The following ROCK2 variants were observed in gnomAD, a reference collection of about 807,000 sequenced individuals.
ROCK2 encodes the protein Rho associated coiled-coil containing protein kinase 2, also known as rho-associated protein kinase 2.
ROCK2 carries 61 observed loss-of-function variants against 195.1 expected under a neutral mutation model. The ratio of observed to expected loss-of-function variants is 0.31; its 90% CI spans 0.25 to 0.39. The LOEUF (loss-of-function observed/expected upper bound fraction) is 0.39, where lower values mean the gene tolerates loss of function less well. Ranked by LOEUF, ROCK2 falls within the 10% of genes least tolerant of loss-of-function variation. ROCK2 has a pLI of 1.00. For synonymous variants in ROCK2, 504 were observed against 545.5 expected, an observed-to-expected ratio of 0.92 and a Z score of 1.06; for missense variants, 1,109 against 1,637.4, an observed-to-expected ratio of 0.68 and a Z score of 5.57.
At chr2:11,253,002 G>C (rs1665892952) in intron 3 of ROCK2, among the ~76,000 whole-genome samples, 2 of 68,454 alleles carry the variant, frequency 2.9e-5, no homozygotes, top group Non-Finnish European at 7.0e-5. Flanking sequence ...GTAATCTGCA[G>C]GCAGAATCTA....
chr2:11,343,766 CG>C (rs1473061675), intron 1 of ROCK2, among the ~76,000 whole-genome samples: 2 of 152,136 alleles, frequency 1.3e-5, no homozygotes, highest in African/African-American at 4.8e-5. Context: ...AAGGAGCAGC[CG>C]GGGATGACAC....
At chr2:11,218,206 T>C (rs1472312012) in intron 11 of ROCK2, 3 of 338,252 alleles carry the variant, frequency 8.9e-6, no homozygotes. Context: ...CCAGTTATTA[T>C]ATGCTAATCA....
At chr2:11,216,009 A>T (rs1664413056) in intron 13 of ROCK2, 149 bp downstream of exon 13, 1 of 648,872 alleles carries the variant, frequency 1.5e-6, no homozygotes, top group African/African-American at 1.8e-5. Flanking sequence ...TTATAACATG[A>T]TTTCCCTATA....
intron 3 of ROCK2, among the ~76,000 whole-genome samples, chr2:11,266,697 T>C (rs1666427526): frequency 6.6e-6 from 1 of 152,230 alleles, no homozygotes; most frequent in African/African-American, 2.4e-5. Flanking sequence ...ATTTATTTAC[T>C]GTATACGAAT....
At chr2:11,255,362 G>C (rs891731914) in intron 3 of ROCK2, among the ~76,000 whole-genome samples, 3 of 149,868 alleles carry the variant, frequency 2.0e-5, no homozygotes, top group Non-Finnish European at 2.9e-5. Flanking sequence ...AGTATTCAAA[G>C]AAAAATAACA....
chr2:11,265,927 T>C (rs1271543189), intron 3 of ROCK2, among the ~76,000 whole-genome samples: 1 of 54,764 alleles, frequency 1.8e-5, no homozygotes, highest in Non-Finnish European at 3.1e-5. Flanking sequence ...GGACCTTGTT[T>C]CTACAAAAAA....
intron 3 of ROCK2, among the ~76,000 whole-genome samples, chr2:11,257,670 G>T (rs1342326025): frequency 1.3e-5 from 2 of 151,280 alleles, no homozygotes; most frequent in African/African-American, 4.9e-5. Context: ...CTGGTGACTC[G>T]AATCATTAGA....
intron 1 of ROCK2, chr2:11,308,282 T>A: frequency 8.8e-7 from 1 of 1,137,054 alleles, no homozygotes; most frequent in Non-Finnish European, 1.3e-6. Context: ...AGAATTTAAA[T>A]TGGAGAACCT....
rs755636674 is a variant in ROCK2, at chr2:11,214,864, A to T, written c.1912T>A (p.Ser638Thr). 6.2e-6 allele frequency: 10 copies of T among 1,611,984 alleles called. No homozygotes were observed. Among genetic ancestry groups the T allele is most frequent in the Non-Finnish European group, 8.5e-6 (10 of 1,179,598 alleles). Reference sequence around the variant, plus strand: ...CCTTGTAAATCATTAATTATCTCTGATCCATGGGTTCGATCCCTCCTTTCA... The same window carrying T: ...CCTTGTAAATCATTAATTATCTCTGTTCCATGGGTTCGATCCCTCCTTTCA... ...ESERRDRTHG[S>T]EIINDLQGRI... Residue 638 changes from serine to threonine, a missense_variant, in exon 16 of 33, where the codon TCA (serine) becomes ACA (threonine). Around this residue, in one of 6 missense-constraint regions of ROCK2, gnomAD observed 542 missense variants for 672.0 expected, o/e 0.81. Coordinates refer to ENST00000315872, the MANE Select transcript of ROCK2 (RefSeq NM_004850.5).
chr2:11,256,223 A>G (rs1212708513), intron 3 of ROCK2, among the ~76,000 whole-genome samples: 1 of 151,322 alleles, frequency 6.6e-6, no homozygotes, highest in Non-Finnish European at 1.5e-5. Flanking sequence ...TTTCAGGTCA[A>G]ATTGTAATTC....
intron 1 of ROCK2, among the ~76,000 whole-genome samples, chr2:11,301,242 C>A (rs150874039): frequency 1.1e-3 from 171 of 151,880 alleles, no homozygotes; most frequent in African/African-American, 3.8e-3. Flanking sequence ...TCCATGTATA[C>A]AAATTATAAA....
intron 6 of ROCK2, among the ~76,000 whole-genome samples, chr2:11,224,667 C>T (rs866651664): frequency 1.3e-5 from 2 of 151,600 alleles, no homozygotes; most frequent in Non-Finnish European, 2.9e-5. Context: ...CACCAATGAT[C>T]CCTCATCCCT....
intron 1 of ROCK2, among the ~76,000 whole-genome samples, chr2:11,309,922 A>G (rs1476508617): frequency 6.6e-6 from 1 of 152,152 alleles, no homozygotes; most frequent in Non-Finnish European, 1.5e-5. Flanking sequence ...CAAAAGTTGG[A>G]GTGAGCCAAG....
At chr2:11,273,519 G>A (rs1666721190) in intron 3 of ROCK2, among the ~76,000 whole-genome samples, 2 of 152,186 alleles carry the variant, frequency 1.3e-5, no homozygotes, top group Non-Finnish European at 2.9e-5. Flanking sequence ...AAACAGAACT[G>A]AGGGAGAAAT....
chr2:11,193,660 G>A, intron 30 of ROCK2, 119 bp downstream of exon 30: 2 of 489,888 alleles, frequency 4.1e-6, no homozygotes, highest in South Asian at 7.0e-5. Context: ...AAACATAAAG[G>A]TAACCTGAAG....
At chr2:11,290,442 A>T (rs79452639) in intron 1 of ROCK2, among the ~76,000 whole-genome samples, 71 of 152,204 alleles carry the variant, frequency 4.7e-4, no homozygotes, top group East Asian at 4.1e-3. Flanking sequence ...CATTTTTTTT[A>T]AAAATGATAC....
chr2:11,208,211 A>G, intron 19 of ROCK2, 76 bp downstream of exon 19: 1 of 956,698 alleles, frequency 1.0e-6, no homozygotes, highest in African/African-American at 1.7e-5. Context: ...AAATTATGAA[A>G]CCATCACTAG....
chr2:11,199,147 G>A lies in ROCK2; in HGVS notation c.2911-373C>T, dbSNP rs138682660. On this transcript the variant is annotated intron_variant, in intron 23 of 32. Coordinates refer to ENST00000315872, the MANE Select transcript of ROCK2 (RefSeq NM_004850.5). Reference sequence around the variant, plus strand: ...AACTCCTGGCCTCGAGTGATCGCCCGCCTAGGCCTCTCAAAGTGCTGGGAT... The same window carrying A: ...AACTCCTGGCCTCGAGTGATCGCCCACCTAGGCCTCTCAAAGTGCTGGGAT... Among the ~76,000 whole-genome samples the A allele has an allele frequency of 2.0e-4, 30 of 151,882 alleles. No homozygotes were observed. In the East Asian group the frequency reaches 5.2e-3, roughly 27 times the overall value.
chr2:11,308,707 T>C lies in ROCK2; in HGVS notation c.142-20971A>G, dbSNP rs543035106. 22 of 1,602,634 alleles carry C rather than the reference T, an allele frequency of 1.4e-5. No homozygotes were observed. The Admixed American group carries it at 1.7e-4, about 12-fold the overall frequency. ...ATGTGGACATTGAGCTCCAGAAGCA[T>C]GTTGAAAAATTAACCAAAGGTGCAG... On this transcript the variant is annotated intron_variant, in intron 1 of 32. Transcript: ENST00000315872.
Sources: allele counts gnomAD v4.1 joint callset (sites outside exome capture counted in the v4.1 genomes callset), GRCh38; gene constraint gnomAD v4.1.1; regional missense constraint gnomAD v4.1.1; transcripts MANE v1.5; gene names NCBI Gene and HGNC (gene_info 2026-07-23, HGNC 2026-07-21).